CDH13: variants seen among roughly 807,000 people sequenced by gnomAD.
CDH13 encodes cadherin 13.
A neutral mutation model predicts 63.8 loss-of-function variants in CDH13; 24 were observed. The observed-to-expected ratio is 0.38, with a 90% CI of 0.27 to 0.53. The LOEUF (loss-of-function observed/expected upper bound fraction) is 0.53. Ranked by LOEUF, CDH13 falls within the 20% of genes least tolerant of loss-of-function variation. CDH13 has a pLI of 0.85. For missense variants in CDH13, 1,049 were observed against 903.1 expected (o/e 1.16, Z -2.07); for synonymous variants, 503 against 355.3 (o/e 1.42, Z -4.67).
chr16:83,359,986 A>G (rs2091131852), intron 6 of CDH13, among the ~76,000 whole-genome samples: 1 of 152,210 alleles, frequency 6.6e-6, no homozygotes, highest in African/African-American at 2.4e-5. Context: ...TTGTGTTTCT[A>G]TAAATTTGCC....
chr16:83,064,817 T>C (rs2031863103), intron 3 of CDH13, among the ~76,000 whole-genome samples: 1 of 152,226 alleles, frequency 6.6e-6, no homozygotes, highest in Admixed American at 6.5e-5. Flanking sequence ...ATCAAGCTAA[T>C]TAACATGTCC....
At chr16:83,708,860 C>G (rs1907560770) in intron 10 of CDH13, among the ~76,000 whole-genome samples, 1 of 152,022 alleles carries the variant, frequency 6.6e-6, no homozygotes, top group Non-Finnish European at 1.5e-5. Flanking sequence ...CCTATCTCTA[C>G]TAAAAATACA....
At chr16:83,138,059 A>T (rs1024259107) in intron 4 of CDH13, among the ~76,000 whole-genome samples, 1 of 152,052 alleles carries the variant, frequency 6.6e-6, no homozygotes, top group East Asian at 1.9e-4. Context: ...GAGGAGACAG[A>T]AGAACGCTTG....
intron 7 of CDH13, among the ~76,000 whole-genome samples, chr16:83,493,087 C>T (rs920767649): frequency 6.6e-6 from 1 of 152,108 alleles, no homozygotes; most frequent in African/African-American, 2.4e-5. Context: ...CTTCATCTGC[C>T]ACAGTGAGAA....
intron 4 of CDH13, among the ~76,000 whole-genome samples, chr16:83,144,509 G>C (rs1179843044): frequency 6.6e-6 from 1 of 152,188 alleles, no homozygotes; most frequent in African/African-American, 2.4e-5. Flanking sequence ...ATCACCACGA[G>C]ACAAGGTGTG....
chr16:82,968,045 A>T lies in CDH13; in HGVS notation c.158-63965A>T, dbSNP rs75878470. On this transcript the variant is annotated intron_variant, in intron 2 of 13. Transcript: ENST00000567109. The stretch of plus-strand genomic sequence containing the variant: ...ATTCTCTAATGGCATGAGTCCTTCT[A>T]CATTTATTTGTTGGCATTCTATTTT... 9.6e-3 allele frequency among the ~76,000 whole-genome samples: 1,458 copies of T among 152,298 alleles called. 21 individuals are homozygous for T. Among genetic ancestry groups the T allele is most frequent in the South Asian group, 0.044 (210 of 4,820 alleles).
intron 7 of CDH13, among the ~76,000 whole-genome samples, chr16:83,565,334 C>T (rs936689535): frequency 6.6e-6 from 1 of 151,962 alleles, no homozygotes; most frequent in African/African-American, 2.4e-5. Flanking sequence ...CCAGCCCTGA[C>T]AACCCTGACC....
At chr16:82,900,074 A>T (rs2041411534) in intron 2 of CDH13, among the ~76,000 whole-genome samples, 1 of 152,102 alleles carries the variant, frequency 6.6e-6, no homozygotes, top group Non-Finnish European at 1.5e-5. Flanking sequence ...CAGAAACATG[A>T]ACTTACTTTG....
chr16:83,775,931 C>T (rs1203243475), intron 11 of CDH13, among the ~76,000 whole-genome samples: 1 of 151,896 alleles, frequency 6.6e-6, no homozygotes, highest in African/African-American at 2.4e-5. Flanking sequence ...TTCCTGGGCC[C>T]CAGAAATGAT....
chr16:83,502,548 A>T (rs2074305896), intron 7 of CDH13, among the ~76,000 whole-genome samples: 1 of 152,202 alleles, frequency 6.6e-6, no homozygotes, highest in Non-Finnish European at 1.5e-5. Flanking sequence ...TTGTTACAGC[A>T]GCAATAGGAA....
rs552491628 is a variant in CDH13, at chr16:83,339,792, C to T, written c.637-5070C>T. 8.1e-4 allele frequency among the ~76,000 whole-genome samples: 124 copies of T among 152,294 alleles called. 2 individuals carry two copies. In the South Asian group the frequency reaches 0.025, roughly 31 times the overall value. ...TCCCTCCCATGATCAGCCAAGCTTTCCACCGTGTGAGCAGGAAACCACTAG... is the reference window on the plus strand; with the variant it reads ...TCCCTCCCATGATCAGCCAAGCTTTTCACCGTGTGAGCAGGAAACCACTAG... On this transcript the variant is annotated intron_variant, in intron 5 of 13. Coordinates refer to ENST00000567109, the MANE Select transcript of CDH13 (RefSeq NM_001257.5).
chr16:82,772,129 T>A (rs1257216090), intron 1 of CDH13, among the ~76,000 whole-genome samples: 2 of 152,146 alleles, frequency 1.3e-5, no homozygotes, highest in Admixed American at 1.3e-4. Flanking sequence ...TGTTAAATTG[T>A]TAGGAATTTT....
chr16:82,779,167 AT>A (rs2043757941), intron 1 of CDH13, among the ~76,000 whole-genome samples: 1 of 152,220 alleles, frequency 6.6e-6, no homozygotes, highest in South Asian at 2.1e-4. Flanking sequence ...TATGCTAGAT[AT>A]CCTTCTAAGT....
intron 13 of CDH13, among the ~76,000 whole-genome samples, chr16:83,785,245 G>A (rs1915802383): frequency 6.6e-6 from 1 of 152,176 alleles, no homozygotes; most frequent in Non-Finnish European, 1.5e-5. Flanking sequence ...GGTTCTGGAG[G>A]CTGAGAAGTC....
rs140400565 is a variant in CDH13, at chr16:83,338,010, G to A, written c.637-6852G>A. ...TGAGGGGAATGTGAGTGTTACAGTC[G>A]GACCTAAGTTTGAGTTCAGGCTGAT... On this transcript the variant is annotated intron_variant, in intron 5 of 13. Transcript: ENST00000567109. Among the ~76,000 whole-genome samples the A allele has an allele frequency of 2.2e-4, 34 of 151,934 alleles. No homozygotes were observed. In the East Asian group the frequency reaches 2.7e-3, roughly 12 times the overall value.
At chr16:82,919,542 G>C (rs1293043846) in intron 2 of CDH13, among the ~76,000 whole-genome samples, 1 of 152,150 alleles carries the variant, frequency 6.6e-6, no homozygotes, top group Non-Finnish European at 1.5e-5. Flanking sequence ...TCATGATCTT[G>C]TTCTTTTCTA....
intron 5 of CDH13, among the ~76,000 whole-genome samples, chr16:83,227,454 T>C (rs562544087): frequency 3.3e-5 from 5 of 152,266 alleles, no homozygotes; most frequent in East Asian, 3.9e-4. Context: ...GCTGAGTTCC[T>C]GTGGAGCAGG....
chr16:82,929,457 T>C (rs2042408179), intron 2 of CDH13, among the ~76,000 whole-genome samples: 1 of 151,528 alleles, frequency 6.6e-6, no homozygotes, highest in South Asian at 2.1e-4. Context: ...CCTGGCTAGA[T>C]GGTCTAGCCA....
At chr16:83,380,502 C>G (rs573063561) in intron 6 of CDH13, among the ~76,000 whole-genome samples, 1 of 152,226 alleles carries the variant, frequency 6.6e-6, no homozygotes, top group South Asian at 2.1e-4. Flanking sequence ...TTAGACTTAG[C>G]TGCATGTAAA....
Sources: allele counts gnomAD v4.1 joint callset (sites outside exome capture counted in the v4.1 genomes callset), GRCh38; gene constraint gnomAD v4.1.1; transcripts MANE v1.5; gene names NCBI Gene and HGNC (gene_info 2026-07-23, HGNC 2026-07-21).